Variants in TMEM40 observed in about 807,000 individuals in gnomAD.
The protein encoded by TMEM40 is transmembrane protein 40.
A neutral mutation model predicts 40.8 loss-of-function variants in TMEM40; 34 were observed. That is an observed-to-expected ratio of 0.83 (90% CI 0.63 to 1.11). TMEM40 has a LOEUF of 1.11. Ranked by LOEUF, TMEM40 falls within the 50% of genes least tolerant of loss-of-function variation. TMEM40 has a pLI of 0.00. For missense variants in TMEM40, 296 were observed against 280.2 expected (o/e 1.06, Z -0.40); for synonymous variants, 106 against 107.0 (o/e 0.99, Z 0.06).
intron 5 of TMEM40, among the ~76,000 whole-genome samples, chr3:12,740,992 T>A (rs2061378004): frequency 6.6e-6 from 1 of 151,934 alleles, no homozygotes; most frequent in South Asian, 2.1e-4. Context: ...TCCAGATGCA[T>A]GTGATGACAC....
intron 1 of TMEM40, among the ~76,000 whole-genome samples, chr3:12,764,770 T>A (rs563917239): frequency 6.6e-5 from 10 of 152,344 alleles, no homozygotes; most frequent in Non-Finnish European, 1.5e-4. Context: ...CCTGTGTCCC[T>A]GCACCTACTT....
intron 5 of TMEM40, among the ~76,000 whole-genome samples, chr3:12,740,903 C>G (rs1055592567): frequency 4.6e-5 from 7 of 152,080 alleles, no homozygotes; most frequent in Admixed American, 2.0e-4. Context: ...CCCCTGCCCC[C>G]CAAAAAACCA....
At chr3:12,750,424 T>C (rs1296403576) in intron 1 of TMEM40, among the ~76,000 whole-genome samples, 4 of 152,154 alleles carry the variant, frequency 2.6e-5, no homozygotes, top group African/African-American at 9.7e-5. Context: ...TGCCACCTCT[T>C]GACAGCTACG....
At chr3:12,756,007 G>C (rs2061524389) in intron 1 of TMEM40, among the ~76,000 whole-genome samples, 2 of 152,324 alleles carry the variant, frequency 1.3e-5, no homozygotes, top group Non-Finnish European at 2.9e-5. Context: ...GGACAGACTT[G>C]TCCTTACTCT....
intron 5 of TMEM40, among the ~76,000 whole-genome samples, chr3:12,742,117 C>T (rs775228400): frequency 1.3e-4 from 20 of 152,076 alleles, no homozygotes; most frequent in Non-Finnish European, 2.5e-4. Flanking sequence ...GTGGTCCCAC[C>T]TACTCGGGAG....
rs182352311 is a variant in TMEM40, at chr3:12,742,092, T to C, written c.355+362A>G. Among the ~76,000 whole-genome samples, 5 of 152,234 alleles carry C rather than the reference T, an allele frequency of 3.3e-5. No homozygotes were observed. In the East Asian group the frequency reaches 9.7e-4, roughly 29 times the overall value. On this transcript the variant is annotated intron_variant, in intron 5 of 11. Coordinates refer to ENST00000314124, the MANE Select transcript of TMEM40 (RefSeq NM_018306.4). ...TAAAAATACAAAAAATTAGCTGGGCTGGTGGTGGGCGCCTGTGGTCCCACC... is the reference window on the plus strand; with the variant it reads ...TAAAAATACAAAAAATTAGCTGGGCCGGTGGTGGGCGCCTGTGGTCCCACC...
intron 3 of TMEM40, among the ~76,000 whole-genome samples, chr3:12,745,579 G>T (rs138030125): frequency 2.6e-4 from 40 of 152,248 alleles, no homozygotes; most frequent in African/African-American, 9.6e-4. Context: ...CTCCTGGGTA[G>T]CTGGGATTAT....
intron 10 of TMEM40, among the ~76,000 whole-genome samples, chr3:12,736,284 G>A (rs1292556043): frequency 6.6e-6 from 1 of 151,978 alleles, no homozygotes; most frequent in Non-Finnish European, 1.5e-5. Context: ...GAGTAGCTGA[G>A]ATTACAGACA....
At chr3:12,761,896 C>T (rs554786455), upstream of TMEM40, among the ~76,000 whole-genome samples, 1 of 152,098 alleles carries the variant, frequency 6.6e-6, no homozygotes, top group Admixed American at 6.5e-5. Context: ...TATATATATA[C>T]AACATATATA....
intron 1 of TMEM40, among the ~76,000 whole-genome samples, chr3:12,766,024 A>C (rs953816941): frequency 1.6e-4 from 25 of 151,706 alleles, no homozygotes; most frequent in Non-Finnish European, 5.9e-5. Flanking sequence ...CGCCCGGCTA[A>C]TTTTTTGGTA....
rs962230039 is a variant in TMEM40 at position 12,736,567 on chromosome 3, G to A, written c.619+11C>T. Reference sequence around the variant, plus strand: ...GACTGTGTGTGTGTCCATGCTGGGGGAGGGGCTTACCTAGTCCGAAGTAGA... The same window carrying A: ...GACTGTGTGTGTGTCCATGCTGGGGAAGGGGCTTACCTAGTCCGAAGTAGA... On this transcript the variant is annotated intron_variant, in intron 10 of 11. Transcript: ENST00000314124. 1.9e-6 allele frequency: 3 copies of A among 1,552,492 alleles called. No individual in the cohort carries two copies. The African/African-American group carries it at 4.1e-5, about 21-fold the overall frequency.
intron 5 of TMEM40, among the ~76,000 whole-genome samples, chr3:12,740,884 C>A (rs1434280317): frequency 6.6e-6 from 1 of 151,872 alleles, no homozygotes; most frequent in African/African-American, 2.4e-5. Flanking sequence ...GAAAAACAAA[C>A]CTCCCCCTCC....
At chr3:12,743,859 A>G in intron 4 of TMEM40, 41 bp downstream of exon 4, 3 of 1,584,096 alleles carry the variant, frequency 1.9e-6, no homozygotes, top group Non-Finnish European at 2.6e-6. Context: ...CTCAACGGTG[A>G]GCGAGTGGGC....
At chr3:12,769,434 AC>A (rs1362361982) in exon 1 of TMEM40, 1 of 170,144 alleles carries the variant, frequency 5.9e-6, no homozygotes, top group Non-Finnish European at 1.3e-5. Context: ...AACAGGAGCC[AC>A]CCTTAGTTAA....
In TMEM40 at chr3:12,748,672, G is replaced by A; in HGVS notation, c.194C>T (p.Ser65Leu). The part of the protein sequence containing the change: ...SSSSSSSSSS[S>L]SSSSSESNDE... ...TGCTATACCTGAGGAGGAGGAGGAT[G>A]AAGAAGATGAGGAGGATGAGGAGGA... Residue 65 changes from serine (S) to leucine (L), a missense_variant, in exon 3 of 12, where the codon TCA (serine) becomes TTA (leucine). By Grantham distance (145) the Ser-to-Leu change is moderately radical. Transcript: ENST00000314124. The A allele has an allele frequency of 6.2e-7, 1 of 1,612,850 alleles. No homozygotes were observed. The highest frequency in any genetic ancestry group is 8.5e-7 in the Non-Finnish European group (1 of 1,179,232).
chr3:12,763,065 A>C (rs375396759), upstream of TMEM40, among the ~76,000 whole-genome samples: 12 of 150,430 alleles, frequency 8.0e-5, no homozygotes, highest in South Asian at 6.4e-4. Context: ...GAGGCTGAGG[A>C]AGGAGAATGG....
intron 1 of TMEM40, among the ~76,000 whole-genome samples, chr3:12,750,762 AC>A: frequency 6.6e-6 from 1 of 152,220 alleles, no homozygotes; most frequent in Middle Eastern, 3.4e-3. Context: ...ACTCATTTAA[AC>A]CATGTTTCTC....
At chr3:12,737,662 C>A in intron 8 of TMEM40, 45 bp downstream of exon 8, 1 of 1,597,714 alleles carries the variant, frequency 6.3e-7, no homozygotes. Context: ...CCCTAGAAAT[C>A]TAGCCAGACA....
intron 3 of TMEM40, among the ~76,000 whole-genome samples, chr3:12,746,862 T>C (rs1394698508): frequency 6.6e-6 from 1 of 152,058 alleles, no homozygotes; most frequent in African/African-American, 2.4e-5. Flanking sequence ...GCAGCACTCC[T>C]TGAGAGACAA....
Sources: gnomAD v4.1 joint callset for allele counts (sites outside exome capture counted in the v4.1 genomes callset) on GRCh38, gnomAD v4.1.1 for gene constraint, MANE v1.5 for transcripts, NCBI Gene and HGNC (gene_info 2026-07-23, HGNC 2026-07-21) for gene names.